The following MRPS27 variants were observed in gnomAD, a reference collection of about 807,000 sequenced individuals.
MRPS27 encodes mitochondrial ribosomal protein S27, also known as small ribosomal subunit protein mS27.
Under a neutral mutation model 48.9 loss-of-function variants are expected in MRPS27, and 43 were observed. The observed-to-expected ratio is 0.88, with a 90% CI of 0.69 to 1.13. The LOEUF is 1.13. Ranked by LOEUF, MRPS27 falls within the 50% of genes most tolerant of loss-of-function variation. The probability of loss-of-function intolerance (pLI) is 0.00; values close to 1 mark genes in which losing one functional copy is unlikely to be tolerated. For missense variants in MRPS27, 467 were observed against 476.3 expected (o/e 0.98, Z 0.18); for synonymous variants, 188 against 171.9 (o/e 1.09, Z -0.73).
intron 2 of MRPS27, among the ~76,000 whole-genome samples, chr5:72,306,100 A>T (rs1217097825): frequency 6.6e-6 from 1 of 152,222 alleles, no homozygotes; most frequent in Non-Finnish European, 1.5e-5. Flanking sequence ...GTTCTTAATG[A>T]CATTTTAAGA....
intron 4 of MRPS27, among the ~76,000 whole-genome samples, chr5:72,245,076 A>G (rs1277647812): frequency 6.6e-6 from 1 of 152,186 alleles, no homozygotes; most frequent in Non-Finnish European, 1.5e-5. Context: ...GCCCATCTGG[A>G]GATGGTCCTA....
chr5:72,255,970 T>C (rs957106135), intron 4 of MRPS27, among the ~76,000 whole-genome samples: 6 of 152,104 alleles, frequency 3.9e-5, no homozygotes, highest in Non-Finnish European at 7.4e-5. Flanking sequence ...GAAGAAGGAG[T>C]GTTTGTCTAG....
At chr5:72,311,556 G>A (rs1750440746) in intron 2 of MRPS27, among the ~76,000 whole-genome samples, 1 of 152,114 alleles carries the variant, frequency 6.6e-6, no homozygotes, top group Non-Finnish European at 1.5e-5. Flanking sequence ...GGGTTATCAC[G>A]GAAGTGGGAC....
intron 4 of MRPS27, 118 bp from the exon 5 acceptor site, chr5:72,238,246 A>G (rs1748256952): frequency 1.5e-6 from 1 of 649,996 alleles, no homozygotes; most frequent in Non-Finnish European, 2.7e-6. Flanking sequence ...GAAATTCATA[A>G]AAGTCAACAG....
intron 4 of MRPS27, among the ~76,000 whole-genome samples, chr5:72,288,210 C>CT (rs34161754): frequency 0.086 from 12,183 of 141,328 alleles, 642 homozygotes; most frequent in East Asian, 0.14. Flanking sequence ...GGCAAGAATT[C>CT]TTTTTTTTTT....
chr5:72,226,189 C>T lies in MRPS27; in HGVS notation c.705G>A (p.Glu235=). 3 of 1,613,656 alleles carry T rather than the reference C, an allele frequency of 1.9e-6. No individual in the cohort carries two copies. Among genetic ancestry groups the T allele is most frequent in the Non-Finnish European group, 2.5e-6 (3 of 1,179,688 alleles). Residue 235 remains glutamate (E), a synonymous_variant, in exon 9 of 11, where the codon GAG becomes GAA. Transcript: ENST00000261413. ...LYGYALLGKV[E]LQQGLRAVYH... The stretch of plus-strand genomic sequence containing the variant: ...ACACAGCCCGTAGCCCTTGCTGCAA[C>T]TCCACCTTCCCTGTGGCCAAAAAGA...
At chr5:72,320,087 C>G in intron 1 of MRPS27, 62 bp downstream of exon 1, 1 of 1,549,658 alleles carries the variant, frequency 6.5e-7, no homozygotes, top group East Asian at 2.2e-5. Context: ...TCTTGAAAGC[C>G]CACCGCTCCC....
chr5:72,257,235 T>C (rs1748833356), intron 4 of MRPS27, among the ~76,000 whole-genome samples: 1 of 152,210 alleles, frequency 6.6e-6, no homozygotes, highest in African/African-American at 2.4e-5. Flanking sequence ...GTTCCTTCTC[T>C]GTTATCGTTT....
intron 2 of MRPS27, among the ~76,000 whole-genome samples, chr5:72,300,766 A>C (rs1416266395): frequency 6.6e-6 from 1 of 152,208 alleles, no homozygotes; most frequent in Non-Finnish European, 1.5e-5. Context: ...TGTTTTAACT[A>C]CTGTCCCCAC....
At chr5:72,281,345 T>C (rs764414005) in intron 4 of MRPS27, among the ~76,000 whole-genome samples, 3 of 152,168 alleles carry the variant, frequency 2.0e-5, no homozygotes, top group Non-Finnish European at 4.4e-5. Flanking sequence ...AGGGAGGAAA[T>C]GGATGGCACA....
At position 72,265,780 on chromosome 5, in the gene MRPS27, C is replaced by G. The variant is rs564297405; in HGVS notation, c.282-27652G>C. On this transcript the variant is annotated intron_variant, in intron 4 of 10. Transcript: ENST00000261413. ...CAAATCCAAGAAGCCATTAATATAA[C>G]TCGTAAAACACAAGGAATGTTGACT... Among the ~76,000 whole-genome samples the G allele has an allele frequency of 2.6e-5, 4 of 152,296 alleles. No individual in the cohort carries two copies. In the South Asian group the frequency reaches 8.3e-4, roughly 32 times the overall value.
At chr5:72,252,052 A>T (rs1324118390) in intron 4 of MRPS27, among the ~76,000 whole-genome samples, 1 of 152,212 alleles carries the variant, frequency 6.6e-6, no homozygotes, top group Admixed American at 6.5e-5. Flanking sequence ...AATATCTATG[A>T]ACAACAAATA....
At chr5:72,255,134 G>A (rs900747810) in intron 4 of MRPS27, among the ~76,000 whole-genome samples, 1 of 147,512 alleles carries the variant, frequency 6.8e-6, no homozygotes, top group Non-Finnish European at 1.5e-5. Context: ...CACCTCCCAG[G>A]TGGAGGTGGA....
chr5:72,237,274 C>T (rs536704715), intron 5 of MRPS27, among the ~76,000 whole-genome samples: 31 of 152,122 alleles, frequency 2.0e-4, no homozygotes, highest in Non-Finnish European at 4.0e-4. Flanking sequence ...ATTTTTGTAT[C>T]CACTATCAAT....
chr5:72,275,301 T>C (rs1749345374), intron 4 of MRPS27, among the ~76,000 whole-genome samples: 1 of 151,904 alleles, frequency 6.6e-6, no homozygotes, highest in Non-Finnish European at 1.5e-5. Context: ...GAGAATAAAA[T>C]ACCTAGGAAT....
In MRPS27 at chr5:72,287,640, AAAAC is replaced by A. The variant is rs376366056; in HGVS notation, c.281+7887_281+7890del. 3.2e-4 allele frequency among the ~76,000 whole-genome samples: 48 copies of A among 152,340 alleles called. No homozygotes were observed. In the East Asian group the frequency reaches 7.7e-3, roughly 24 times the overall value. ...CATGACAGAGACTCCATCTCAATAA[AAAAC>A]AAACAAACAAACAAAAAAAATTGAC... On this transcript the variant is annotated intron_variant, in intron 4 of 10. Coordinates refer to ENST00000261413, the MANE Select transcript of MRPS27 (RefSeq NM_015084.3).
Position 72,234,376 on chromosome 5 carries a change from A to C in MRPS27, c.397-179T>G, listed in dbSNP as rs116330530. ...GCCATGACTCATGAGGTTTGGTAAC[A>C]GGAACTGTTGGTCAGGGTGAGAAAG... On this transcript the variant is annotated intron_variant, in intron 5 of 10. Transcript: ENST00000261413. Among the ~76,000 whole-genome samples the C allele has an allele frequency of 5.1e-3, 775 of 152,252 alleles. 3 individuals carry two copies. The highest frequency in any genetic ancestry group is 0.018 in the African/African-American group (745 of 41,560).
chr5:72,280,679 A>C (rs542466588), intron 4 of MRPS27, among the ~76,000 whole-genome samples: 1 of 152,358 alleles, frequency 6.6e-6, no homozygotes, highest in South Asian at 2.1e-4. Flanking sequence ...CTCTGGAAGC[A>C]GTTCCACAAT....
At chr5:72,251,769 T>C (rs1580071564) in intron 4 of MRPS27, among the ~76,000 whole-genome samples, 1 of 152,332 alleles carries the variant, frequency 6.6e-6, no homozygotes, top group African/African-American at 2.4e-5. Context: ...AAAGTAGTTA[T>C]TTGTGTAGAA....
Sources: gnomAD v4.1 joint callset for allele counts (sites outside exome capture counted in the v4.1 genomes callset) on GRCh38, gnomAD v4.1.1 for gene constraint, MANE v1.5 for transcripts, NCBI Gene and HGNC (gene_info 2026-07-23, HGNC 2026-07-21) for gene names.